Variants in CCSER1 observed in about 807,000 individuals in gnomAD.
CCSER1 encodes the protein coiled-coil serine rich protein 1.
Under a neutral mutation model 82.0 loss-of-function variants are expected in CCSER1, and 41 were observed. That is an observed-to-expected ratio of 0.50 (90% CI 0.39 to 0.65). The LOEUF (loss-of-function observed/expected upper bound fraction) is 0.65. Among genes scored for constraint, CCSER1 ranks in the 30% least tolerant of loss-of-function variants. CCSER1 has a pLI of 0.00. For synonymous variants in CCSER1, 414 were observed against 383.9 expected, an observed-to-expected ratio of 1.08 and a Z score of -0.92; for missense variants, 1,119 against 1,064.2, an observed-to-expected ratio of 1.05 and a Z score of -0.72.
intron 5 of CCSER1, among the ~76,000 whole-genome samples, chr4:90,607,028 C>A (rs17017272): frequency 0.026 from 3,909 of 152,172 alleles, 105 homozygotes; most frequent in African/African-American, 0.059. Flanking sequence ...TCATAATAAT[C>A]ATTGCTAGTG....
chr4:90,180,120 T>TTATATATATA (rs59586682), intron 1 of CCSER1, among the ~76,000 whole-genome samples: 14 of 140,290 alleles, frequency 1.0e-4, no homozygotes, highest in South Asian at 4.5e-4. Context: ...GCTTATGTAG[T>TTATATATATA]TATATATATA....
intron 10 of CCSER1, among the ~76,000 whole-genome samples, chr4:91,429,863 A>T (rs1304599141): frequency 6.6e-6 from 1 of 150,948 alleles, no homozygotes; most frequent in Non-Finnish European, 1.5e-5. Flanking sequence ...GTTAATTAAG[A>T]TAAGTATATT....
chr4:90,832,050 G>A (rs1761180439), intron 8 of CCSER1, among the ~76,000 whole-genome samples: 1 of 151,710 alleles, frequency 6.6e-6, no homozygotes, highest in Admixed American at 6.6e-5. Context: ...GGGCAAGACA[G>A]TCTTTTTACA....
intron 6 of CCSER1, among the ~76,000 whole-genome samples, chr4:90,641,680 G>A (rs1205306969): frequency 6.6e-6 from 1 of 152,060 alleles, no homozygotes; most frequent in Non-Finnish European, 1.5e-5. Flanking sequence ...ATGTCAAAAT[G>A]CAAGTGGAGC....
chr4:91,153,780 G>C (rs1730509995), intron 10 of CCSER1, among the ~76,000 whole-genome samples: 1 of 151,992 alleles, frequency 6.6e-6, no homozygotes, highest in African/African-American at 2.4e-5. Context: ...GTCCACTCCA[G>C]ACCCTGTTTG....
intron 1 of CCSER1, among the ~76,000 whole-genome samples, chr4:90,243,359 C>T (rs1199848086): frequency 6.6e-6 from 1 of 152,000 alleles, no homozygotes; most frequent in African/African-American, 2.4e-5. Context: ...AGCAATTCTC[C>T]TGCTTCAGCC....
intron 7 of CCSER1, among the ~76,000 whole-genome samples, chr4:90,743,425 C>T (rs984238870): frequency 1.7e-4 from 26 of 152,104 alleles, no homozygotes; most frequent in African/African-American, 5.3e-4. Context: ...TATTAGCAGT[C>T]GGTTTATGTC....
intron 10 of CCSER1, among the ~76,000 whole-genome samples, chr4:91,435,534 C>T (rs1376399369): frequency 2.6e-5 from 4 of 152,076 alleles, no homozygotes; most frequent in Non-Finnish European, 2.9e-5. Flanking sequence ...TACTTTTCAT[C>T]GTCTGAGAGT....
At position 91,172,148 on chromosome 4, in the gene CCSER1, C is replaced by T. The variant is rs539469510; in HGVS notation, c.2217+86154C>T. The stretch of plus-strand genomic sequence containing the variant: ...ATAAGAAAACCTATGACCCTTGCAA[C>T]GTCATATCACATATTACTAATAAAT... On this transcript the variant is annotated intron_variant, in intron 10 of 10. Transcript: ENST00000509176. Among the ~76,000 whole-genome samples, 77 of 152,160 alleles carry T rather than the reference C, an allele frequency of 5.1e-4. 1 individual carries two copies. In the South Asian group the frequency reaches 8.7e-3, roughly 17 times the overall value.
chr4:90,905,839 C>T (rs1725392302), intron 8 of CCSER1, among the ~76,000 whole-genome samples: 1 of 152,042 alleles, frequency 6.6e-6, no homozygotes, highest in Admixed American at 6.6e-5. Context: ...TAAAAGGGCT[C>T]ACTGTGAACA....
chr4:90,257,530 CAGATAGAT>C (rs70963062), intron 1 of CCSER1, among the ~76,000 whole-genome samples: 32,299 of 150,124 alleles, frequency 0.22, 3,925 homozygotes, highest in South Asian at 0.32. Context: ...CAATAGGATA[CAGATAGAT>C]AGATAGATAG....
chr4:90,343,858 C>G (rs1381152957), intron 3 of CCSER1, among the ~76,000 whole-genome samples: 1 of 152,036 alleles, frequency 6.6e-6, no homozygotes, highest in African/African-American at 2.4e-5. Flanking sequence ...GGTAGCCATG[C>G]CCTCAAGGAT....
chr4:90,658,946 A>G (rs1233069513), intron 6 of CCSER1, among the ~76,000 whole-genome samples: 2 of 152,142 alleles, frequency 1.3e-5, no homozygotes, highest in African/African-American at 4.8e-5. Context: ...ATCTCAGTGT[A>G]TGTACTGTAT....
rs749883935 is a variant in CCSER1, at chr4:90,308,324, C to T, written c.40C>T (p.Arg14Trp). The T allele has an allele frequency of 5.0e-6, 8 of 1,602,580 alleles. No individual in the cohort carries two copies. Among genetic ancestry groups the T allele is most frequent in the African/African-American group, 2.7e-5 (2 of 74,908 alleles). The change falls in exon 2 of 11, where the codon CGG becomes TGG. Residue 14 changes from arginine (R) to tryptophan (W), a missense_variant. Arg to Trp is a moderately radical substitution (Grantham distance 101). Coordinates refer to ENST00000509176, the MANE Select transcript of CCSER1 (RefSeq NM_001145065.2). ...ATCAAGACGATCTACCCTGGTCTCCCGGTTGCCAATATTCAGAAGAAGTAT... is the reference window on the plus strand; with the variant it reads ...ATCAAGACGATCTACCCTGGTCTCCTGGTTGCCAATATTCAGAAGAAGTAT... ...SGSRRSTLVS[R>W]LPIFRRSINR...
At chr4:90,691,509 T>G in intron 6 of CCSER1, among the ~76,000 whole-genome samples, 1 of 151,836 alleles carries the variant, frequency 6.6e-6, no homozygotes, top group East Asian at 1.9e-4. Flanking sequence ...CGTGTGTATA[T>G]ATTACATGTG....
intron 8 of CCSER1, among the ~76,000 whole-genome samples, chr4:90,917,295 GA>G (rs1422979634): frequency 5.9e-5 from 9 of 152,152 alleles, no homozygotes; most frequent in Non-Finnish European, 1.2e-4. Flanking sequence ...ACTGGATTAA[GA>G]AAATGTGGCA....
chr4:90,851,177 A>G (rs1763838288), intron 8 of CCSER1, among the ~76,000 whole-genome samples: 5 of 152,130 alleles, frequency 3.3e-5, no homozygotes, highest in African/African-American at 9.7e-5. Flanking sequence ...TTTTTTCTTT[A>G]TAAATTACCC....
At chr4:90,908,533 G>T (rs928604369) in intron 8 of CCSER1, among the ~76,000 whole-genome samples, 2 of 152,132 alleles carry the variant, frequency 1.3e-5, no homozygotes, top group South Asian at 4.1e-4. Flanking sequence ...GTAGTCATGT[G>T]TGTAATTTAG....
chr4:91,476,973 A>G (rs1001641980), intron 10 of CCSER1, among the ~76,000 whole-genome samples: 3 of 151,768 alleles, frequency 2.0e-5, no homozygotes, highest in Non-Finnish European at 3.0e-5. Context: ...AGAAGAAAAC[A>G]TTGGGGAAAT....
Sources: gnomAD v4.1 joint callset for allele counts (sites outside exome capture counted in the v4.1 genomes callset) on GRCh38, gnomAD v4.1.1 for gene constraint, MANE v1.5 for transcripts, NCBI Gene and HGNC (gene_info 2026-07-23, HGNC 2026-07-21) for gene names.